Variants in FRAS1 observed in about 807,000 individuals in gnomAD.
The protein encoded by FRAS1 is Fraser extracellular matrix complex subunit 1.
In FRAS1, 290 loss-of-function variants were observed where a neutral mutation model predicts 435.2. That is an observed-to-expected ratio of 0.67 (90% confidence interval 0.61 to 0.73). FRAS1 has a LOEUF of 0.73. Ranked by LOEUF, FRAS1 falls within the 30% of genes least tolerant of loss-of-function variation. FRAS1 has a pLI of 0.00. For missense variants in FRAS1, 4,860 were observed against 5,001.5 expected, an observed-to-expected ratio of 0.97 and a Z score of 0.85; for synonymous variants, 1,800 against 1,851.0, an observed-to-expected ratio of 0.97 and a Z score of 0.71.
chr4:78,174,127 T>G (rs1721667663), intron 2 of FRAS1, among the ~76,000 whole-genome samples: 1 of 152,208 alleles, frequency 6.6e-6, no homozygotes. Context: ...CAGTCTCTGA[T>G]GCTTTGACTC....
chr4:78,315,043 A>T (rs1412746971), intron 15 of FRAS1, among the ~76,000 whole-genome samples: 1 of 152,178 alleles, frequency 6.6e-6, no homozygotes, highest in Non-Finnish European at 1.5e-5. Context: ...CACAGACCTT[A>T]GCATATGTTT....
At chr4:78,474,268 A>G (rs995770186) in intron 53 of FRAS1, among the ~76,000 whole-genome samples, 2 of 152,178 alleles carry the variant, frequency 1.3e-5, no homozygotes, top group African/African-American at 4.8e-5. Flanking sequence ...ACTGATTGTT[A>G]AAGGTAGTGT....
rs367941759 is a variant in FRAS1, at chr4:78,441,147, T to C, written c.5530-15T>C. 6.2e-7 allele frequency: 1 copy of C among 1,613,568 alleles called. No homozygotes were observed. The highest frequency in any genetic ancestry group is 1.1e-5 in the South Asian group (1 of 90,974). On this transcript the variant is annotated splice_polypyrimidine_tract_variant and intron_variant, in intron 40 of 73. Transcript: ENST00000512123. ...TGAAATCACCAAGGACTCTCTATGT[T>C]CTTTTCTTTCTTAGGTTGATGAGGG...
intron 66 of FRAS1, among the ~76,000 whole-genome samples, chr4:78,518,450 A>ATATATATATT (rs1487744216): frequency 1.7e-3 from 121 of 69,294 alleles, no homozygotes; most frequent in African/African-American, 3.4e-3. Flanking sequence ...ATATATATAT[A>ATATATATATT]TATTTATTTA....
At chr4:78,315,555 C>T in intron 15 of FRAS1, 39 bp from the exon 16 acceptor site, 1 of 1,584,484 alleles carries the variant, frequency 6.3e-7, no homozygotes, top group Non-Finnish European at 8.6e-7. Flanking sequence ...CTTTTGCTCA[C>T]TATTGCCTTT....
chr4:78,539,089 G>A (rs1721972484), intron 72 of FRAS1, among the ~76,000 whole-genome samples: 1 of 152,046 alleles, frequency 6.6e-6, no homozygotes, highest in Non-Finnish European at 1.5e-5. Flanking sequence ...TATGGGAACT[G>A]TAATTCAAGA....
intron 6 of FRAS1, among the ~76,000 whole-genome samples, chr4:78,258,481 T>C (rs1725902023): frequency 6.6e-6 from 1 of 151,760 alleles, no homozygotes; most frequent in South Asian, 2.1e-4. Flanking sequence ...CTATAATCTC[T>C]TCCCATCCTG....
chr4:78,062,120 G>A (rs1363925465), intron 1 of FRAS1, among the ~76,000 whole-genome samples: 1 of 152,062 alleles, frequency 6.6e-6, no homozygotes, highest in East Asian at 1.9e-4. Flanking sequence ...TTATGGACTT[G>A]GGTGGCAATG....
chr4:78,492,449 A>G (rs1248627428), intron 59 of FRAS1, among the ~76,000 whole-genome samples: 2 of 152,206 alleles, frequency 1.3e-5, no homozygotes, highest in African/African-American at 4.8e-5. Context: ...AAAGAGATAT[A>G]TAGACCAATG....
intron 14 of FRAS1, among the ~76,000 whole-genome samples, chr4:78,292,427 A>G (rs537377739): frequency 2.2e-4 from 33 of 152,214 alleles, no homozygotes; most frequent in Non-Finnish European, 4.3e-4. Context: ...TACAACTAGG[A>G]TGTTGACCTA....
At chr4:78,403,105 G>C (rs1218856803) in intron 30 of FRAS1, among the ~76,000 whole-genome samples, 2 of 152,032 alleles carry the variant, frequency 1.3e-5, no homozygotes, top group East Asian at 3.9e-4. Flanking sequence ...CTGATTTTAA[G>C]CTAGATATTT....
intron 2 of FRAS1, among the ~76,000 whole-genome samples, chr4:78,126,387 C>G (rs917596339): frequency 3.9e-5 from 6 of 152,218 alleles, no homozygotes; most frequent in African/African-American, 1.4e-4. Context: ...CCTGCATCGG[C>G]TTGCCCTCTG....
chr4:78,521,634 A>G lies in FRAS1; in HGVS notation c.10648+4A>G, dbSNP rs375546599. ...AAGACCCATGCCAAATTCAGAGGTAATATCAATGCCGTTTTTTTTTTCCAA... is the reference window on the plus strand; with the variant it reads ...AAGACCCATGCCAAATTCAGAGGTAGTATCAATGCCGTTTTTTTTTTCCAA... On this transcript the variant is annotated splice_donor_region_variant and intron_variant, in intron 68 of 73. Transcript: ENST00000512123. 36 of 1,570,160 alleles carry G rather than the reference A, an allele frequency of 2.3e-5. No homozygotes were observed. The highest frequency in any genetic ancestry group is 2.9e-5 in the Non-Finnish European group (34 of 1,155,470).
At chr4:78,113,003 G>A (rs1010101749) in intron 2 of FRAS1, among the ~76,000 whole-genome samples, 1 of 152,022 alleles carries the variant, frequency 6.6e-6, no homozygotes, top group African/African-American at 2.4e-5. Flanking sequence ...ACAGGCCCCA[G>A]TGTGTGATGT....
At chr4:78,201,344 A>G (rs1723041641) in intron 2 of FRAS1, among the ~76,000 whole-genome samples, 1 of 152,254 alleles carries the variant, frequency 6.6e-6, no homozygotes, top group Admixed American at 6.5e-5. Context: ...TAGGTAAAGA[A>G]CAAAATACTA....
chr4:78,483,780 C>CTA (rs1474361196), intron 58 of FRAS1, among the ~76,000 whole-genome samples: 1,791 of 78,896 alleles, frequency 0.023, 119 homozygotes, highest in African/African-American at 0.061. Context: ...CTCTCTCTCT[C>CTA]TCTATATATA....
In FRAS1 at chr4:78,397,709, T is replaced by A. The variant is rs552895792; in HGVS notation, c.3976-3025T>A. On this transcript the variant is annotated intron_variant, in intron 29 of 73. Coordinates refer to ENST00000512123, the MANE Select transcript of FRAS1 (RefSeq NM_025074.7). ...GCCTCTGCTTCTCTTCCCTGTTCCT[T>A]ACTGTCCCTAGACAGCTGTGAAGAC... is the stretch of plus-strand genomic sequence containing the variant. Among the ~76,000 whole-genome samples the A allele has an allele frequency of 6.6e-5, 10 of 152,310 alleles. No homozygotes were observed. In the South Asian group the frequency reaches 1.9e-3, roughly 28 times the overall value.
intron 4 of FRAS1, among the ~76,000 whole-genome samples, chr4:78,248,519 A>C (rs1725366474): frequency 6.6e-6 from 1 of 152,176 alleles, no homozygotes; most frequent in Non-Finnish European, 1.5e-5. Context: ...AATGGGGAGT[A>C]GGAAGGGACA....
chr4:78,330,939 T>TA (rs1413336044), intron 18 of FRAS1, among the ~76,000 whole-genome samples: 2 of 152,176 alleles, frequency 1.3e-5, no homozygotes, highest in Non-Finnish European at 2.9e-5. Context: ...AACTCCCTAA[T>TA]AAAAACTTGC....
Sources: gnomAD v4.1 joint callset for allele counts (sites outside exome capture counted in the v4.1 genomes callset) on GRCh38, gnomAD v4.1.1 for gene constraint, MANE v1.5 for transcripts, NCBI Gene and HGNC (gene_info 2026-07-23, HGNC 2026-07-21) for gene names.